Variants in RPS6KA4 observed in about 807,000 individuals in gnomAD.
The protein encoded by RPS6KA4 is ribosomal protein S6 kinase alpha-4.
In RPS6KA4, 38 loss-of-function variants were observed where a neutral mutation model predicts 89.6. The ratio of observed to expected loss-of-function variants is 0.42; its 90% confidence interval spans 0.33 to 0.56. The LOEUF (loss-of-function observed/expected upper bound fraction) is 0.56, where lower values mean the gene tolerates loss of function less well. Ranked by LOEUF, RPS6KA4 falls within the 20% of genes least tolerant of loss-of-function variation. The pLI is 0.07. For missense variants in RPS6KA4, 873 were observed against 1,098.8 expected (o/e 0.79, Z 2.90); for synonymous variants, 495 against 492.8 (o/e 1.00, Z -0.06).
chr11:64,365,422 C>T lies in RPS6KA4; in HGVS notation c.1028C>T (p.Ser343Leu). 1 of 1,614,096 alleles carries T rather than the reference C, an allele frequency of 6.2e-7. No homozygotes were observed. The highest frequency in any genetic ancestry group is 8.5e-7 in the Non-Finnish European group (1 of 1,180,018). The change falls in exon 9 of 17, where the codon TCA (serine) becomes TTA (leucine). Residue 343 changes from serine to leucine, a missense_variant. Coordinates refer to ENST00000334205, the MANE Select transcript of RPS6KA4 (RefSeq NM_003942.3). ...EEFTRLEPVY[S>L]PPGSPPPGDP... ...TTCACTCGGCTGGAGCCTGTCTACT[C>T]ACCCCCTGGCAGCCCCCCACCTGGG...
At position 64,368,863 on chromosome 11, in the gene RPS6KA4, T is replaced by C. The variant is rs1354419745; in HGVS notation, c.1428+66T>C. The C allele has an allele frequency of 2.2e-6, 3 of 1,368,068 alleles. No homozygotes were observed. The African/African-American group carries it at 4.5e-5, about 20-fold the overall frequency. 84.7% of individuals were successfully genotyped at this position (1,368,068 alleles called of 1,614,324 possible). ...CAGGCGGCGGGGCTTGGGGGCACTA[T>C]GGGCGGGATCTAGGGGTGAATTGGG... is the stretch of plus-strand genomic sequence containing the variant. On this transcript the variant is annotated intron_variant, in intron 12 of 16. Transcript: ENST00000334205.
rs753994856 is a variant in RPS6KA4, at chr11:64,361,833, AC to A, written c.756-12del. 88 of 1,580,460 alleles carry A rather than the reference AC, an allele frequency of 5.6e-5. No individual in the cohort carries two copies. The African/African-American group carries it at 8.8e-4, about 16-fold the overall frequency. The stretch of plus-strand genomic sequence containing the variant: ...GGGTGGGGGGCTTGCTGCCCCTGAC[AC>A]CCCCCCAATCCTCCCAGACGGATCC... On this transcript the variant is annotated intron_variant, in intron 7 of 16. Transcript: ENST00000334205. This position sits in a 1 kb window ranked among gnomAD's most constrained non-coding sequence, Gnocchi z 4.7.
chr11:64,370,294 G>A lies in RPS6KA4; in HGVS notation c.1867G>A (p.Glu623Lys), dbSNP rs2037024680. ...SGQGGQSQAA[E>K]IMCKIREGRF... ...CCAGGGCGGGCAGAGCCAGGCGGCC[G>A]AGATCATGTGCAAAATCCGCGAGGG... Residue 623 changes from glutamate (E) to lysine (K), a missense_variant, in exon 15 of 17, where the codon GAG (glutamate) becomes AAG (lysine). This residue lies in a region of RPS6KA4 where 278 missense variants were observed against 284.8 expected (regional missense o/e 0.98). Coordinates refer to ENST00000334205, the MANE Select transcript of RPS6KA4 (RefSeq NM_003942.3). The surrounding 1 kb of genome is among the most constrained non-coding windows in gnomAD (Gnocchi z 4.1). The A allele has an allele frequency of 2.5e-6, 4 of 1,591,354 alleles. No individual in the cohort carries two copies. The highest frequency in any genetic ancestry group is 1.4e-5 in the African/African-American group (1 of 73,220).
chr11:64,371,396 C>G lies in RPS6KA4; in HGVS notation c.2235C>G (p.Ser745=). Residue 745 remains serine, a synonymous_variant, in exon 17 of 17, where the codon TCC becomes TCG. Transcript: ENST00000334205. The part of the protein sequence containing the change: ...LRSATASRRG[S]PAPANPGRAP... ...GCGCCACCGCCTCCCGCCGGGGCTCCCCTGCACCAGCCAACCCGGGCCGAG... is the reference window on the plus strand; with the variant it reads ...GCGCCACCGCCTCCCGCCGGGGCTCGCCTGCACCAGCCAACCCGGGCCGAG... 1 of 1,611,446 alleles carries G rather than the reference C, an allele frequency of 6.2e-7. No homozygotes were observed. Among genetic ancestry groups the G allele is most frequent in the Non-Finnish European group, 8.5e-7 (1 of 1,179,200 alleles).
chr11:64,360,694 T>A, intron 4 of RPS6KA4, 102 bp downstream of exon 4: 1 of 1,010,088 alleles, frequency 9.9e-7, no homozygotes, highest in Non-Finnish European at 1.5e-6. Flanking sequence ...CTGGGCTTCC[T>A]GGGGGGCCAG....
chr11:64,365,456 A>T lies in RPS6KA4; in HGVS notation c.1062A>T (p.Arg354=). 5 of 1,613,804 alleles carry T rather than the reference A, an allele frequency of 3.1e-6. No homozygotes were observed. Among genetic ancestry groups the T allele is most frequent in the African/African-American group, 1.3e-5 (1 of 75,050 alleles). Residue 354 remains arginine, a synonymous_variant, in exon 9 of 17, where the codon CGA becomes CGT. Transcript: ENST00000334205. ...GCAGCCCCCCACCTGGGGACCCCCG[A>T]ATCTTTCAGGTGAGGGGAAACTCAT... ...PPGSPPPGDP[R]IFQGYSFVAP... is the part of the protein sequence containing the mutation.
chr11:64,359,673 C>CT, intron 2 of RPS6KA4: 1 of 582,814 alleles, frequency 1.7e-6, no homozygotes. Context: ...CGTGCATACC[C>CT]CCCTGGATTT....
rs1360427624 is a variant in RPS6KA4 at position 64,361,731 on chromosome 11, G to A, written c.741G>A (p.Gln247=). The change falls in exon 7 of 17, where the codon CAG becomes CAA. Residue 247 remains glutamine (Q), a synonymous_variant. Transcript: ENST00000334205. The surrounding 1 kb of genome is among the most constrained non-coding windows in gnomAD (Gnocchi z 4.7). The stretch of plus-strand genomic sequence containing the variant: ...CCCTGGAGGGCGAGAGGAACACGCA[G>A]GCTGAGGTGTCTCGGTGAGTAGGGC... The part of the protein sequence containing the change: ...PFTLEGERNT[Q]AEVSRRILKC... 2 of 1,606,234 alleles carry A rather than the reference G, an allele frequency of 1.2e-6. No homozygotes were observed. Among genetic ancestry groups the A allele is most frequent in the South Asian group, 2.2e-5 (2 of 90,840 alleles).
Position 64,371,422 on chromosome 11 carries a change from C to G in RPS6KA4, c.2261C>G (p.Ala754Gly), listed in dbSNP as rs761356018. Reference protein sequence around the residue: ...GSPAPANPGRAPVASKGAPRR... With the variant: ...GSPAPANPGRGPVASKGAPRR... ...CCTGCACCAGCCAACCCGGGCCGAG[C>G]CCCCGTCGCCTCCAAAGGGGCCCCC... The change falls in exon 17 of 17, where the codon GCC (alanine) becomes GGC (glycine). Residue 754 changes from alanine to glycine, a missense_variant. By Grantham distance (60) the Ala-to-Gly change is moderately conservative. Around this residue, in one of 4 missense-constraint regions of RPS6KA4, gnomAD observed 278 missense variants for 284.8 expected, o/e 0.98. Transcript: ENST00000334205. 8 of 1,604,042 alleles carry G rather than the reference C, an allele frequency of 5.0e-6. No homozygotes were observed. Among genetic ancestry groups the G allele is most frequent in the Non-Finnish European group, 6.8e-6 (8 of 1,175,158 alleles).
rs71456310 is a variant in RPS6KA4 at position 64,361,022 on chromosome 11, C to T, written c.463-112C>T. ...GGCTCTGCCCTGGAGACCCCCTCTACAGGCAGATGACTTTCTCTGGGGGGT... is the reference window on the plus strand; with the variant it reads ...GGCTCTGCCCTGGAGACCCCCTCTATAGGCAGATGACTTTCTCTGGGGGGT... On this transcript the variant is annotated intron_variant, in intron 4 of 16. Transcript: ENST00000334205. The surrounding 1 kb of genome is among the most constrained non-coding windows in gnomAD (Gnocchi z 4.7). 0.12 allele frequency: 96,397 copies of T among 783,654 alleles called. 6,414 individuals carry two copies. Among genetic ancestry groups the T allele is most frequent in the Middle Eastern group, 0.15 (606 of 4,148 alleles). The allele number at this position is 783,654 out of a possible 1,614,324, so 48.5% of individuals were successfully genotyped here. A position where few individuals can be genotyped will look rare whatever the true frequency, so the allele number is the denominator to read the frequency against.
rs2037079996 is a variant in RPS6KA4 at position 64,371,617 on chromosome 11, C to A, written c.*137C>A. The A allele has an allele frequency of 3.5e-6, 2 of 564,716 alleles. No individual in the cohort carries two copies. Among genetic ancestry groups the A allele is most frequent in the Non-Finnish European group, 6.3e-6 (2 of 318,012 alleles). The allele number at this position is 564,716 out of a possible 1,614,324, so 35.0% of individuals were successfully genotyped here. On this transcript the variant is annotated 3_prime_UTR_variant, in exon 17 of 17. Coordinates refer to ENST00000334205, the MANE Select transcript of RPS6KA4 (RefSeq NM_003942.3). ...TCTCCTACCCCACCCCACTCCCAGA[C>A]AGAGCAGAAGTATTTTTATAAGCAG...
chr11:64,360,427 G>C, intron 3 of RPS6KA4, 46 bp downstream of exon 3: 1 of 1,580,270 alleles, frequency 6.3e-7, no homozygotes, highest in Non-Finnish European at 8.6e-7. Flanking sequence ...GCTGGGGGCA[G>C]GCGAGGCCAC....
At chr11:64,365,227 G>T in intron 8 of RPS6KA4, 74 bp from the exon 9 acceptor site, 1 of 1,534,918 alleles carries the variant, frequency 6.5e-7, no homozygotes, top group Admixed American at 1.8e-5. Flanking sequence ...GAACTGCCCA[G>T]TGAGGGTGGG....
chr11:64,359,982 C>T (rs920892773), intron 2 of RPS6KA4, among the ~76,000 whole-genome samples, 181 bp from the exon 3 acceptor site: 19 of 152,156 alleles, frequency 1.2e-4, no homozygotes, highest in African/African-American at 4.3e-4. Flanking sequence ...TGCTGGGCAC[C>T]CTCCCGGGGT....
Position 64,370,244 on chromosome 11 carries a change from A to G in RPS6KA4, c.1817A>G (p.Gln606Arg). ...TCCTAGTACATGATGCTGTCGGGGC[A>G]GGTCCCCTTCCAGGGGGCCTCTGGC... ...GVILYMMLSG[Q>R]VPFQGASGQG... The change falls in exon 15 of 17, where the codon CAG becomes CGG. Residue 606 changes from glutamine to arginine, a missense_variant. Gln to Arg is a conservative substitution (Grantham distance 43). Around this residue, in one of 4 missense-constraint regions of RPS6KA4, gnomAD observed 278 missense variants for 284.8 expected, o/e 0.98. Coordinates refer to ENST00000334205, the MANE Select transcript of RPS6KA4 (RefSeq NM_003942.3). This position sits in a 1 kb window ranked among gnomAD's most constrained non-coding sequence, Gnocchi z 4.1. The G allele has an allele frequency of 6.4e-7, 1 of 1,569,456 alleles. No individual in the cohort carries two copies. The highest frequency in any genetic ancestry group is 8.6e-7 in the Non-Finnish European group (1 of 1,165,162).
At position 64,370,589 on chromosome 11, in the gene RPS6KA4, C is replaced by T; in HGVS notation, c.1984C>T (p.Arg662Trp). Residue 662 changes from arginine to tryptophan, a missense_variant, in exon 16 of 17, where the codon CGG (arginine) becomes TGG (tryptophan). By Grantham distance (101) the Arg-to-Trp change is moderately radical. Coordinates refer to ENST00000334205, the MANE Select transcript of RPS6KA4 (RefSeq NM_003942.3). This position sits in a 1 kb window ranked among gnomAD's most constrained non-coding sequence, Gnocchi z 4.1. ...RGLLTVDPAK[R>W]LKLEGLRGSS... ...GCTCCTGACCGTGGACCCCGCCAAG[C>T]GGCTGAAGCTCGAGGGACTGCGGGG... The T allele has an allele frequency of 6.3e-7, 1 of 1,591,484 alleles. No individual in the cohort carries two copies. The highest frequency in any genetic ancestry group is 8.5e-7 in the Non-Finnish European group (1 of 1,175,566).
chr11:64,368,571 A>G lies in RPS6KA4; in HGVS notation c.1304A>G (p.Gln435Arg), dbSNP rs1230400460. The part of the protein sequence containing the change: ...CRRCRQRQSG[Q>R]EFAVKILSRR... Reference sequence around the variant, plus strand: ...CGCTGCCGCCAGCGCCAGAGCGGCCAGGAGTTCGCAGTCAAGATCCTCAGT... The same window carrying G: ...CGCTGCCGCCAGCGCCAGAGCGGCCGGGAGTTCGCAGTCAAGATCCTCAGT... The change falls in exon 11 of 17, where the codon CAG (glutamine) becomes CGG (arginine). Residue 435 changes from glutamine (Q) to arginine (R), a missense_variant. By Grantham distance (43) the Gln-to-Arg change is conservative. Coordinates refer to ENST00000334205, the MANE Select transcript of RPS6KA4 (RefSeq NM_003942.3). The G allele has an allele frequency of 1.3e-6, 2 of 1,596,186 alleles. No individual in the cohort carries two copies. Among genetic ancestry groups the G allele is most frequent in the Admixed American group, 1.7e-5 (1 of 58,146 alleles).
chr11:64,360,991 T>G, intron 4 of RPS6KA4, 143 bp from the exon 5 acceptor site: 1 of 623,844 alleles, frequency 1.6e-6, no homozygotes, highest in Non-Finnish European at 2.8e-6. Context: ...GCCTTTCTTA[T>G]TCAGTGGCTC....
Position 64,369,488 on chromosome 11 carries a change from C to T in RPS6KA4, c.1471C>T (p.Leu491=), listed in dbSNP as rs1312426582. ...CCTGGAGCTGCTGCGGGGCGGGGAG[C>T]TGCTGGAGCACATCCGCAAGAAGCG... ...LVLELLRGGE[L]LEHIRKKRHF... Residue 491 remains leucine (L), a synonymous_variant, in exon 13 of 17, where the codon CTG becomes TTG. Transcript: ENST00000334205. 43 of 1,609,716 alleles carry T rather than the reference C, an allele frequency of 2.7e-5. No individual in the cohort carries two copies. Among genetic ancestry groups the T allele is most frequent in the Non-Finnish European group, 3.4e-5 (40 of 1,178,982 alleles).
Sources: allele counts gnomAD v4.1 joint callset (sites outside exome capture counted in the v4.1 genomes callset), GRCh38; gene constraint gnomAD v4.1.1; regional missense constraint gnomAD v4.1.1; non-coding constraint Gnocchi (gnomAD v3.1); transcripts MANE v1.5; gene names NCBI Gene and HGNC (gene_info 2026-07-23, HGNC 2026-07-21).